H4C15: variants seen among roughly 807,000 people sequenced by gnomAD.
H4C15 encodes H4 clustered histone 15, also known as histone H4.
the H4C15 span, chr1:149,847,911 A>C: frequency 1.3e-5 from 2 of 152,226 alleles, no homozygotes; most frequent in African/African-American, 4.8e-5. Flanking sequence ...CAGACACTGA[A>C]AGACAGGAGT....
At chr1:149,858,980 A>G (rs1418903544), downstream of H4C15, among the ~76,000 whole-genome samples, 1 of 15,398 alleles carries the variant, frequency 6.5e-5, no homozygotes, top group Non-Finnish European at 1.4e-4. Context: ...GGTGCGGATC[A>G]GATATATTCA....
At chr1:149,845,783 A>G in the H4C15 span, 1 of 152,228 alleles carries the variant, frequency 6.6e-6, no homozygotes, top group African/African-American at 2.4e-5. Flanking sequence ...GCAGAGTAGT[A>G]GCCGAGATAT....
chr1:149,849,689 T>C (rs1341677931), downstream of H4C15, among the ~76,000 whole-genome samples: 2 of 152,208 alleles, frequency 1.3e-5, no homozygotes, highest in African/African-American at 4.8e-5. Flanking sequence ...AACCATTTAA[T>C]GGTATTGGGT....
At chr1:149,846,468 C>T in the H4C15 span, 1 of 152,128 alleles carries the variant, frequency 6.6e-6, no homozygotes, top group African/African-American at 2.4e-5. Context: ...AAATAAAATA[C>T]ATTATGAAAG....
the H4C15 span, chr1:149,844,913 T>C: frequency 1.3e-5 from 2 of 152,098 alleles, no homozygotes; most frequent in African/African-American, 4.8e-5. Context: ...GCCTGAAAAG[T>C]TAATTTAAAG....
At chr1:149,844,500 CTTTA>C in the H4C15 span, 2 of 151,886 alleles carry the variant, frequency 1.3e-5, no homozygotes, top group South Asian at 4.2e-4. Flanking sequence ...TCATTTAATC[CTTTA>C]TTAATTCCAG....
At chr1:149,844,959 A>G in the H4C15 span, 3 of 152,376 alleles carry the variant, frequency 2.0e-5, no homozygotes, top group Admixed American at 6.5e-5. Flanking sequence ...GACAACAGGG[A>G]AAAGTTGAGT....
At chr1:149,845,105 C>T in the H4C15 span, 2 of 152,204 alleles carry the variant, frequency 1.3e-5, no homozygotes, top group African/African-American at 2.4e-5. Context: ...AAGCAATAAA[C>T]AGCTAACTAT....
At chr1:149,848,984 C>G in the H4C15 span, 4 of 152,322 alleles carry the variant, frequency 2.6e-5, no homozygotes, top group East Asian at 7.7e-4. Flanking sequence ...CACATATCCA[C>G]TTGAATAGCA....
downstream of H4C15, chr1:149,850,412 C>T (rs782102519): frequency 6.2e-6 from 7 of 1,138,078 alleles, no homozygotes; most frequent in South Asian, 5.3e-5. Flanking sequence ...AGCTGGCGTA[C>T]TTGGTGACCG....
the H4C15 span, chr1:149,845,244 C>T: frequency 1.3e-5 from 2 of 152,038 alleles, no homozygotes; most frequent in Admixed American, 1.3e-4. Context: ...TCACTTCCCA[C>T]GATAAGGGAG....
chr1:149,848,177 A>G, the H4C15 span: 1 of 152,226 alleles, frequency 6.6e-6, no homozygotes, highest in Non-Finnish European at 1.5e-5. Context: ...CTTTAGCCTT[A>G]GTCAAGTATT....
the H4C15 span, chr1:149,844,756 T>C: frequency 6.6e-6 from 1 of 151,968 alleles, no homozygotes; most frequent in Non-Finnish European, 1.5e-5. Flanking sequence ...AAAAACAGAT[T>C]TTTTAGTTAT....
At chr1:149,848,084 ATTTAG>A in the H4C15 span, 1 of 152,110 alleles carries the variant, frequency 6.6e-6, no homozygotes, top group Non-Finnish European at 1.5e-5. Context: ...AAATTTTTTG[ATTTAG>A]TTTATTTAAA....
chr1:149,855,384 G>GGTGTGTGTGTGT (rs1162535434), downstream of H4C15, among the ~76,000 whole-genome samples: 2,111 of 139,120 alleles, frequency 0.015, 50 homozygotes, highest in East Asian at 0.025. Flanking sequence ...GTGGGGGACA[G>GGTGTGTGTGTGT]GTGTGTGTGT....
downstream of H4C15, chr1:149,850,367 G>A (rs1553757621): frequency 2.8e-6 from 2 of 722,798 alleles, no homozygotes; most frequent in African/African-American, 1.7e-5. Flanking sequence ...GGGAGGGAGC[G>A]AGCGAGCGCC....
downstream of H4C15, chr1:149,850,344 G>C (rs782183237): frequency 1.4e-5 from 13 of 956,086 alleles, no homozygotes; most frequent in East Asian, 1.0e-4. Context: ...CCGGCGACCC[G>C]CGGAGGGAGG....
the H4C15 span, chr1:149,845,107 G>A: frequency 6.6e-6 from 1 of 152,216 alleles, no homozygotes; most frequent in South Asian, 2.1e-4. Context: ...GCAATAAACA[G>A]CTAACTATGA....
At chr1:149,847,793 G>A in the H4C15 span, 1 of 152,224 alleles carries the variant, frequency 6.6e-6, no homozygotes, top group African/African-American at 2.4e-5. Flanking sequence ...CAACAAGAGT[G>A]AAACTCCATC....
Sources: allele counts gnomAD v4.1 joint callset (sites outside exome capture counted in the v4.1 genomes callset), GRCh38; gene constraint gnomAD v4.1.1; transcripts MANE v1.5; gene names NCBI Gene and HGNC (gene_info 2026-07-23, HGNC 2026-07-21).